FAM161A: variants seen among roughly 807,000 people sequenced by gnomAD.
FAM161A encodes FAM161 centrosomal protein A.
Under a neutral mutation model 70.9 loss-of-function variants are expected in FAM161A, and 57 were observed. The ratio of observed to expected loss-of-function variants is 0.80; its 90% confidence interval spans 0.65 to 1.00. The LOEUF (loss-of-function observed/expected upper bound fraction) is 1.00. FAM161A is among the 50% of genes least tolerant of loss of function. FAM161A has a pLI of 0.00. For synonymous variants in FAM161A, 299 were observed against 295.7 expected, an observed-to-expected ratio of 1.01 and a Z score of -0.12; for missense variants, 880 against 836.0, an observed-to-expected ratio of 1.05 and a Z score of -0.65.
In FAM161A at chr2:61,839,501, A is replaced by G. The variant is rs2105080529; in HGVS notation, c.1503T>C (p.Cys501=). ...TACAAGGCACAGGGTTTACACCTGCACATCTTACTGGTGACTTACGCCTTG... is the reference window on the plus strand; with the variant it reads ...TACAAGGCACAGGGTTTACACCTGCGCATCTTACTGGTGACTTACGCCTTG... ...LSPRRKSPVR[C]AGVNPVPCNC... is the part of the protein sequence containing the mutation. The change falls in exon 3 of 7, where the codon TGT becomes TGC. Residue 501 remains cysteine, a synonymous_variant. Transcript: ENST00000404929. 6.2e-7 allele frequency: 1 copy of G among 1,614,188 alleles called. No homozygotes were observed. The highest frequency in any genetic ancestry group is 8.5e-7 in the Non-Finnish European group (1 of 1,180,046).
the FAM161A span, among the ~76,000 whole-genome samples, chr2:61,816,737 G>A: frequency 6.6e-6 from 1 of 152,186 alleles, no homozygotes; most frequent in Non-Finnish European, 1.5e-5. Flanking sequence ...AAAGTGCTAG[G>A]ATTACAGGTG....
intron 5 of FAM161A, among the ~76,000 whole-genome samples, chr2:61,830,210 G>C (rs1452001745): frequency 1.3e-5 from 2 of 152,158 alleles, no homozygotes; most frequent in African/African-American, 4.8e-5. Flanking sequence ...TCTGCAAAGA[G>C]CAAGGCAGAA....
the FAM161A span, among the ~76,000 whole-genome samples, chr2:61,819,506 A>G: frequency 6.6e-6 from 1 of 152,214 alleles, no homozygotes; most frequent in Non-Finnish European, 1.5e-5. Flanking sequence ...CAAGTCTGGT[A>G]GAAAGAAAAG....
intron 2 of FAM161A, 99 bp downstream of exon 2, chr2:61,842,023 G>A (rs558238192): frequency 5.0e-4 from 413 of 818,390 alleles, no homozygotes; most frequent in Non-Finnish European, 7.9e-4. Context: ...GAGTACAAAG[G>A]GCTATTTAAG....
chr2:61,823,669 C>T (rs150568813), downstream of FAM161A, among the ~76,000 whole-genome samples: 347 of 152,060 alleles, frequency 2.3e-3, 1 homozygote, highest in African/African-American at 8.0e-3. Flanking sequence ...TCCAGACTTC[C>T]ATCATATTTA....
chr2:61,824,473 T>A (rs969563108), downstream of FAM161A, among the ~76,000 whole-genome samples: 5 of 152,204 alleles, frequency 3.3e-5, no homozygotes, highest in East Asian at 3.8e-4. Flanking sequence ...GTATTTTAAG[T>A]TAACAGTTTC....
chr2:61,825,287 A>C lies in FAM161A; in HGVS notation c.*1168T>G, dbSNP rs1005361590. ...ACACAGAGAGATAAAGTGTGTTGGC[A>C]ATAATATGTAAAAAGTTGAACACAA... On this transcript the variant is annotated 3_prime_UTR_variant, in exon 7 of 7. Transcript: ENST00000404929. The C allele has an allele frequency of 2.9e-5, 13 of 454,104 alleles. No homozygotes were observed. Among genetic ancestry groups the C allele is most frequent in the Non-Finnish European group, 5.3e-5 (12 of 226,782 alleles). The allele number at this position is 454,104 out of a possible 1,614,324, so 28.1% of individuals were successfully genotyped here. A position where few individuals can be genotyped will look rare whatever the true frequency, so the allele number is the denominator to read the frequency against.
Position 61,826,601 on chromosome 2 carries a change from TA to T in FAM161A, c.2007-3del, listed in dbSNP as rs1672377658. ...TCTATTTTTTCTTCTTCATTAAAGC[TA>T]GGGGAAGAAATTTATCAATCTTTCA... is the stretch of plus-strand genomic sequence containing the variant. On this transcript the variant is annotated splice_polypyrimidine_tract_variant and splice_region_variant and intron_variant, in intron 6 of 6. Transcript: ENST00000404929. The T allele has an allele frequency of 6.2e-7, 1 of 1,600,578 alleles. No individual in the cohort carries two copies. The highest frequency in any genetic ancestry group is 1.3e-5 in the African/African-American group (1 of 74,672).
At chr2:61,834,236 C>A (rs1018556588) in intron 5 of FAM161A, among the ~76,000 whole-genome samples, 1 of 152,096 alleles carries the variant, frequency 6.6e-6, no homozygotes, top group Non-Finnish European at 1.5e-5. Flanking sequence ...TTATCCTAAG[C>A]AAACTAAAGC....
intron 4 of FAM161A, 145 bp from the exon 5 acceptor site, chr2:61,836,254 A>T (rs956110507): frequency 1.5e-6 from 1 of 688,690 alleles, no homozygotes. Context: ...CAGAAATTAT[A>T]AGCACAGTTC....
At chr2:61,804,034 G>A in the FAM161A span, among the ~76,000 whole-genome samples, 1 of 152,154 alleles carries the variant, frequency 6.6e-6, no homozygotes, top group Non-Finnish European at 1.5e-5. Context: ...GAGCTCCAAC[G>A]GCTGCTGGTT....
the FAM161A span, among the ~76,000 whole-genome samples, chr2:61,802,613 C>T: frequency 2.0e-5 from 3 of 152,162 alleles, no homozygotes; most frequent in South Asian, 6.2e-4. Flanking sequence ...TTCCTATAAA[C>T]TGTTATTGTT....
the FAM161A span, among the ~76,000 whole-genome samples, chr2:61,804,498 A>G: frequency 6.6e-6 from 1 of 152,060 alleles, no homozygotes; most frequent in Non-Finnish European, 1.5e-5. Flanking sequence ...CAGCCTGGTC[A>G]ACACGGTGAA....
In FAM161A at chr2:61,833,196, A is replaced by AGACG; in HGVS notation, c.1851+2810_1851+2813dup. 2.6e-5 allele frequency among the ~76,000 whole-genome samples: 4 copies of AGACG among 152,198 alleles called. No homozygotes were observed. The South Asian group carries it at 8.3e-4, about 32-fold the overall frequency. Reference sequence around the variant, plus strand: ...TCCCAGCACTTTGGGAGGCCAATGCAGACGGATCATCAGGTCAGGAGTTCG... The same window carrying AGACG: ...TCCCAGCACTTTGGGAGGCCAATGCAGACGGACGGATCATCAGGTCAGGAGTTCG... On this transcript the variant is annotated intron_variant, in intron 5 of 6. Transcript: ENST00000404929.
chr2:61,804,724 G>C, the FAM161A span, among the ~76,000 whole-genome samples: 1 of 139,306 alleles, frequency 7.2e-6, no homozygotes, highest in Admixed American at 7.6e-5. Flanking sequence ...GAGAAAGAAA[G>C]AAAGAAGGAA....
intron 1 of FAM161A, among the ~76,000 whole-genome samples, chr2:61,850,483 G>A (rs1316440947): frequency 6.6e-6 from 1 of 152,096 alleles, no homozygotes; most frequent in Non-Finnish European, 1.5e-5. Flanking sequence ...CAGGCACAGT[G>A]GCTCACGCCT....
At chr2:61,828,950 AG>A (rs1672475474) in intron 5 of FAM161A, among the ~76,000 whole-genome samples, 1 of 152,162 alleles carries the variant, frequency 6.6e-6, no homozygotes, top group African/African-American at 2.4e-5. Flanking sequence ...CTGAACTGTT[AG>A]AGGGCCAAGA....
the FAM161A span, among the ~76,000 whole-genome samples, chr2:61,810,419 T>TG: frequency 6.6e-6 from 1 of 150,896 alleles, no homozygotes; most frequent in Non-Finnish European, 1.5e-5. Flanking sequence ...CACTGGCCAA[T>TG]GGTTCCCTGG....
chr2:61,842,282 T>C lies in FAM161A; in HGVS notation c.262A>G (p.Ile88Val). 2.5e-6 allele frequency: 4 copies of C among 1,612,648 alleles called. No individual in the cohort carries two copies. Among genetic ancestry groups the C allele is most frequent in the Non-Finnish European group, 3.4e-6 (4 of 1,179,090 alleles). The change falls in exon 2 of 7, where the codon ATT becomes GTT. Residue 88 changes from isoleucine to valine, a missense_variant. Ile to Val is a conservative substitution (Grantham distance 29). Transcript: ENST00000404929. ...AAATACTCCTCATTAGAGTGGTGAATATCAGGAAAGTTCACAAAGTCCTCA... is the reference window on the plus strand; with the variant it reads ...AAATACTCCTCATTAGAGTGGTGAACATCAGGAAAGTTCACAAAGTCCTCA... ...SYEDFVNFPDIHHSNEEYFKK... is the reference protein window; with the variant it reads ...SYEDFVNFPDVHHSNEEYFKK...
Sources: gnomAD v4.1 joint callset for allele counts (sites outside exome capture counted in the v4.1 genomes callset) on GRCh38, gnomAD v4.1.1 for gene constraint, MANE v1.5 for transcripts, NCBI Gene and HGNC (gene_info 2026-07-23, HGNC 2026-07-21) for gene names.